Variants in PDE10A observed in about 807,000 individuals in gnomAD.
The protein encoded by PDE10A is cAMP and cAMP-inhibited cGMP 3',5'-cyclic phosphodiesterase 10A.
A neutral mutation model predicts 97.7 loss-of-function variants in PDE10A; 39 were observed. The ratio of observed to expected loss-of-function variants is 0.40; its 90% CI spans 0.31 to 0.52. The LOEUF (loss-of-function observed/expected upper bound fraction) is 0.52, where lower values mean the gene tolerates loss of function less well. Ranked by LOEUF, PDE10A falls within the 20% of genes least tolerant of loss-of-function variation. The pLI, the probability that PDE10A is intolerant of heterozygous loss-of-function variation, is 0.56. For missense variants in PDE10A, 731 were observed against 1,047.8 expected (o/e 0.70, Z 4.17); for synonymous variants, 371 against 376.8 (o/e 0.98, Z 0.18).
chr6:165,585,743 G>A (rs1321030826), intron 1 of PDE10A, among the ~76,000 whole-genome samples: 1 of 152,094 alleles, frequency 6.6e-6, no homozygotes, highest in African/African-American at 2.4e-5. Flanking sequence ...CAACGTTTGT[G>A]GCATTTGTTA....
intron 5 of PDE10A, among the ~76,000 whole-genome samples, chr6:165,436,443 T>C (rs1224726863): frequency 6.6e-6 from 1 of 152,116 alleles, no homozygotes; most frequent in African/African-American, 2.4e-5. Context: ...ATAAACCCCA[T>C]AAACTTGGTT....
At chr6:165,703,620 G>A (rs1791633836) in intron 1 of PDE10A, among the ~76,000 whole-genome samples, 1 of 152,236 alleles carries the variant, frequency 6.6e-6, no homozygotes, top group South Asian at 2.1e-4. Flanking sequence ...TAAGAACACA[G>A]GTAAGAACCT....
intron 1 of PDE10A, among the ~76,000 whole-genome samples, chr6:165,619,403 T>TAGG (rs1787949820): frequency 7.0e-6 from 1 of 142,706 alleles, no homozygotes; most frequent in African/African-American, 2.8e-5. Context: ...TGTAGTGTAG[T>TAGG]GTAGTCTAGT....
At chr6:165,415,953 T>C (rs1490846636) in intron 12 of PDE10A, among the ~76,000 whole-genome samples, 1 of 152,250 alleles carries the variant, frequency 6.6e-6, no homozygotes, top group Non-Finnish European at 1.5e-5. Context: ...CAGTTGTTTT[T>C]ATAACATTCT....
chr6:165,406,227 G>GAT (rs1484999772), intron 13 of PDE10A, among the ~76,000 whole-genome samples: 43 of 30,498 alleles, frequency 1.4e-3, no homozygotes, highest in African/African-American at 7.8e-3. Flanking sequence ...GAGGGAAAAG[G>GAT]ATGTGTGTGT....
intron 3 of PDE10A, among the ~76,000 whole-genome samples, chr6:165,450,894 G>A (rs1012730298): frequency 6.6e-6 from 1 of 152,062 alleles, no homozygotes; most frequent in South Asian, 2.1e-4. Context: ...CATAGACTGC[G>A]TCTATGCAGC....
chr6:165,719,632 C>T (rs1379165632), intron 1 of PDE10A, among the ~76,000 whole-genome samples: 1 of 114,364 alleles, frequency 8.7e-6, no homozygotes, highest in Non-Finnish European at 2.1e-5. Flanking sequence ...GACAGGTGTG[C>T]AACAGGTGTA....
intron 1 of PDE10A, among the ~76,000 whole-genome samples, chr6:165,568,954 A>G (rs1784921445): frequency 6.6e-6 from 1 of 152,228 alleles, no homozygotes; most frequent in African/African-American, 2.4e-5. Flanking sequence ...GCCGTTAGTG[A>G]CAAGTAGCTA....
At chr6:165,707,584 G>A (rs915822690) in intron 1 of PDE10A, among the ~76,000 whole-genome samples, 1 of 152,158 alleles carries the variant, frequency 6.6e-6, no homozygotes, top group Non-Finnish European at 1.5e-5. Context: ...CTTGCACTGT[G>A]TGTGTGTGAG....
At chr6:165,620,889 T>G (rs1017928659) in intron 1 of PDE10A, among the ~76,000 whole-genome samples, 3 of 151,854 alleles carry the variant, frequency 2.0e-5, no homozygotes, top group Non-Finnish European at 4.4e-5. Context: ...GGTATGATAG[T>G]GTGCACCTGT....
At chr6:165,391,997 G>T (rs2128215441) in intron 16 of PDE10A, among the ~76,000 whole-genome samples, 1 of 152,310 alleles carries the variant, frequency 6.6e-6, no homozygotes, top group East Asian at 1.9e-4. Context: ...AATGTGGTCA[G>T]AGGGAGGGAT....
chr6:165,603,656 G>A (rs752811884), intron 1 of PDE10A, among the ~76,000 whole-genome samples: 1 of 152,242 alleles, frequency 6.6e-6, no homozygotes, highest in African/African-American at 2.4e-5. Context: ...AGGACTCTGG[G>A]GAGGGCCCAT....
At chr6:165,765,451 G>T (rs1374870638) in intron 1 of PDE10A, among the ~76,000 whole-genome samples, 1 of 132,948 alleles carries the variant, frequency 7.5e-6, no homozygotes, top group Non-Finnish European at 1.7e-5. Context: ...GCTAAGGCCC[G>T]GCGAGAAATC....
chr6:165,894,205 G>A (rs1265936186), intron 1 of PDE10A: 9 of 423,174 alleles, frequency 2.1e-5, no homozygotes, highest in Non-Finnish European at 4.3e-5. Flanking sequence ...TTCCGAAGGA[G>A]AGCCGTCTCT....
At chr6:165,407,258 C>T (rs1240574890) in intron 13 of PDE10A, among the ~76,000 whole-genome samples, 4 of 152,182 alleles carry the variant, frequency 2.6e-5, no homozygotes, top group African/African-American at 7.2e-5. Flanking sequence ...TAGGGAAGAA[C>T]GATGTCAGAG....
intron 1 of PDE10A, among the ~76,000 whole-genome samples, chr6:165,606,283 C>T (rs12212289): frequency 0.12 from 18,375 of 152,056 alleles, 1,149 homozygotes; most frequent in Non-Finnish European, 0.14. Context: ...ATGTGTCAGT[C>T]CGTCAGGGCT....
At chr6:165,511,508 G>A (rs1247235634) in intron 2 of PDE10A, among the ~76,000 whole-genome samples, 1 of 151,930 alleles carries the variant, frequency 6.6e-6, no homozygotes, top group Non-Finnish European at 1.5e-5. Context: ...CAGATAAAAT[G>A]CTCTGTAAAC....
intron 1 of PDE10A, among the ~76,000 whole-genome samples, chr6:165,571,818 C>A (rs763414662): frequency 6.6e-6 from 1 of 152,224 alleles, no homozygotes; most frequent in Non-Finnish European, 1.5e-5. Context: ...TATAGCTGTT[C>A]CACTTCAGAT....
Position 165,711,953 on chromosome 6 carries a change from A to G in PDE10A, c.-614-168385T>C, listed in dbSNP as rs1791905488. On this transcript the variant is annotated intron_variant, in intron 1 of 19. Transcript: ENST00000366882. This position sits in a 1 kb window ranked among gnomAD's most constrained non-coding sequence, Gnocchi z 4.5. ...ACTTCACAAGTGTTTAATATTTGAA[A>G]GAAACATCCAACTCTTGGACCCCAC... is the stretch of plus-strand genomic sequence containing the variant. Among the ~76,000 whole-genome samples, 4 of 152,312 alleles carry G rather than the reference A, an allele frequency of 2.6e-5. No homozygotes were observed. In the South Asian group the frequency reaches 8.3e-4, roughly 32 times the overall value.
Sources: gnomAD v4.1 joint callset for allele counts (sites outside exome capture counted in the v4.1 genomes callset) on GRCh38, gnomAD v4.1.1 for gene constraint, Gnocchi (gnomAD v3.1) non-coding constraint, MANE v1.5 for transcripts, NCBI Gene and HGNC (gene_info 2026-07-23, HGNC 2026-07-21) for gene names.